The following ANKIB1 variants were observed in gnomAD, a reference collection of about 807,000 sequenced individuals.
ANKIB1 encodes ankyrin repeat and IBR domain-containing protein 1.
In ANKIB1, 43 loss-of-function variants were observed where a neutral mutation model predicts 122.1. The ratio of observed to expected loss-of-function variants is 0.35; its 90% confidence interval spans 0.28 to 0.45. The LOEUF (loss-of-function observed/expected upper bound fraction) is 0.45. ANKIB1 is among the 20% of genes least tolerant of loss of function. The pLI, the probability that ANKIB1 is intolerant of heterozygous loss-of-function variation, is 1.00. For synonymous variants in ANKIB1, 390 were observed against 442.0 expected, an observed-to-expected ratio of 0.88 and a Z score of 1.48; for missense variants, 992 against 1,329.5, an observed-to-expected ratio of 0.75 and a Z score of 3.95.
At chr7:92,338,436 A>T (rs907394780) in intron 5 of ANKIB1, among the ~76,000 whole-genome samples, 1 of 151,692 alleles carries the variant, frequency 6.6e-6, no homozygotes, top group Admixed American at 6.6e-5. Context: ...AATAAAAATT[A>T]AAAAAAGATT....
At chr7:92,272,771 G>A (rs1801823704) in intron 1 of ANKIB1, among the ~76,000 whole-genome samples, 1 of 152,150 alleles carries the variant, frequency 6.6e-6, no homozygotes, top group South Asian at 2.1e-4. Flanking sequence ...GATACATTTT[G>A]AGAAATACAT....
In ANKIB1 at chr7:92,294,922, T is replaced by G. The variant is rs1435819252; in HGVS notation, c.-57T>G. ...AGATGTTGCAGAAGTGTTCCAGAAG[T>G]GGCTGAAGATAGAAGGAAAAAAGTG... is the stretch of plus-strand genomic sequence containing the variant. On this transcript the variant is annotated 5_prime_UTR_variant, in exon 2 of 20. Coordinates refer to ENST00000265742, the MANE Select transcript of ANKIB1 (RefSeq NM_019004.2). The G allele has an allele frequency of 2.2e-6, 3 of 1,338,434 alleles. No individual in the cohort carries two copies. In the East Asian group the frequency reaches 7.5e-5, roughly 33 times the overall value. The allele number at this position is 1,338,434 out of a possible 1,614,324, so 82.9% of individuals were successfully genotyped here.
At chr7:92,301,226 A>G (rs1055703858) in intron 2 of ANKIB1, among the ~76,000 whole-genome samples, 1 of 152,144 alleles carries the variant, frequency 6.6e-6, no homozygotes, top group African/African-American at 2.4e-5. Context: ...AGATTCCTGG[A>G]TCATATGGTA....
chr7:92,248,646 AT>A (rs1241781985), intron 1 of ANKIB1, among the ~76,000 whole-genome samples: 6 of 152,146 alleles, frequency 3.9e-5, no homozygotes, highest in Non-Finnish European at 7.3e-5. Flanking sequence ...GTTTTAAAAT[AT>A]TTCCTTCAAA....
At chr7:92,381,202 A>C (rs1804505068) in intron 11 of ANKIB1, among the ~76,000 whole-genome samples, 1 of 152,318 alleles carries the variant, frequency 6.6e-6, no homozygotes, top group East Asian at 1.9e-4. Flanking sequence ...AAAAGAGTAA[A>C]AAGAAATGAA....
intron 4 of ANKIB1, among the ~76,000 whole-genome samples, chr7:92,325,684 G>T (rs1320288539): frequency 1.3e-5 from 2 of 150,050 alleles, no homozygotes; most frequent in Non-Finnish European, 1.5e-5. Flanking sequence ...GGGAGGGGAG[G>T]CTATTTTCCT....
At chr7:92,247,751 AAG>A (rs1414893893) in intron 1 of ANKIB1, among the ~76,000 whole-genome samples, 1 of 152,248 alleles carries the variant, frequency 6.6e-6, no homozygotes, top group African/African-American at 2.4e-5. Context: ...ACGATAATTT[AAG>A]AATAATTTTA....
intron 1 of ANKIB1, among the ~76,000 whole-genome samples, chr7:92,266,513 A>C (rs1318287367): frequency 6.6e-6 from 1 of 152,138 alleles, no homozygotes. Context: ...GATCACTGGG[A>C]TGGCAGAGAA....
At position 92,292,439 on chromosome 7, in the gene ANKIB1, C is replaced by CT. The variant is rs779644172; in HGVS notation, c.-90-2442dup. Among the ~76,000 whole-genome samples, 18 of 151,906 alleles carry CT rather than the reference C, an allele frequency of 1.2e-4. No homozygotes were observed. The East Asian group carries it at 2.5e-3, about 21-fold the overall frequency. ...GATAACATTACTTTCTTAGATATTTCTTTTTTTTACTTCTTAGATACAAAT... is the reference window on the plus strand; with the variant it reads ...GATAACATTACTTTCTTAGATATTTCTTTTTTTTTACTTCTTAGATACAAAT... On this transcript the variant is annotated intron_variant, in intron 1 of 19. Transcript: ENST00000265742.
intron 1 of ANKIB1, among the ~76,000 whole-genome samples, chr7:92,276,452 G>T (rs1425507522): frequency 6.6e-6 from 1 of 152,192 alleles, no homozygotes; most frequent in Admixed American, 6.5e-5. Flanking sequence ...CCTAGGAGAG[G>T]AATCCAAGTT....
At chr7:92,322,300 A>T (rs1802928835) in intron 4 of ANKIB1, among the ~76,000 whole-genome samples, 1 of 152,160 alleles carries the variant, frequency 6.6e-6, no homozygotes. Context: ...AGTAGATTTA[A>T]TATCTAAAAG....
chr7:92,383,395 G>A (rs1468708697), intron 11 of ANKIB1, among the ~76,000 whole-genome samples: 1 of 152,096 alleles, frequency 6.6e-6, no homozygotes, highest in Non-Finnish European at 1.5e-5. Flanking sequence ...ATTTTATGAG[G>A]CCAGCAGCAT....
chr7:92,336,335 A>G (rs925002750), intron 5 of ANKIB1, among the ~76,000 whole-genome samples: 2 of 151,096 alleles, frequency 1.3e-5, no homozygotes, highest in African/African-American at 4.9e-5. Context: ...GTTCTTTTTT[A>G]TGGCTTTCAT....
At chr7:92,264,486 C>T (rs1050001646) in intron 1 of ANKIB1, among the ~76,000 whole-genome samples, 15 of 152,094 alleles carry the variant, frequency 9.9e-5, no homozygotes, top group African/African-American at 3.6e-4. Context: ...CAACCTCCGC[C>T]TCCCAGCTTT....
At chr7:92,303,630 A>G (rs948295317) in intron 2 of ANKIB1, among the ~76,000 whole-genome samples, 4 of 152,188 alleles carry the variant, frequency 2.6e-5, no homozygotes, top group African/African-American at 4.8e-5. Context: ...CATCATGGGT[A>G]AAAGAGAAGT....
intron 8 of ANKIB1, among the ~76,000 whole-genome samples, chr7:92,352,096 ATACAGC>A (rs1038203521): frequency 4.6e-5 from 7 of 152,184 alleles, no homozygotes; most frequent in African/African-American, 1.4e-4. Context: ...TACTGTTCTA[ATACAGC>A]TACATGCATG....
chr7:92,292,493 G>A (rs937156885), intron 1 of ANKIB1, among the ~76,000 whole-genome samples: 4 of 151,870 alleles, frequency 2.6e-5, no homozygotes, highest in South Asian at 2.1e-4. Flanking sequence ...TTTCACTAAA[G>A]TAGTAATATA....
chr7:92,357,387 AAC>A (rs1803838402), intron 9 of ANKIB1, among the ~76,000 whole-genome samples: 1 of 152,134 alleles, frequency 6.6e-6, no homozygotes, highest in Non-Finnish European at 1.5e-5. Flanking sequence ...CAGTTTCAGC[AAC>A]AGATACCAGG....
At position 92,399,062 on chromosome 7, in the gene ANKIB1, C is replaced by A. The variant is rs895988780; in HGVS notation, c.*113C>A. On this transcript the variant is annotated 3_prime_UTR_variant, in exon 20 of 20. Transcript: ENST00000265742. ...TTCCAACTCAGTGATAAACCACTGA[C>A]ATTAGGGTTGAATACAGAGAAGTTC... 2.5e-6 allele frequency: 3 copies of A among 1,212,840 alleles called. No individual in the cohort carries two copies. The highest frequency in any genetic ancestry group is 3.3e-5 in the Admixed American group (1 of 29,926). 75.1% of individuals were successfully genotyped at this position (1,212,840 alleles called of 1,614,324 possible).
Sources: allele counts gnomAD v4.1 joint callset (sites outside exome capture counted in the v4.1 genomes callset), GRCh38; gene constraint gnomAD v4.1.1; transcripts MANE v1.5; gene names NCBI Gene and HGNC (gene_info 2026-07-23, HGNC 2026-07-21).